CDKAL1: variants seen among roughly 807,000 people sequenced by gnomAD.
CDKAL1 encodes CDKAL1 threonylcarbamoyladenosine tRNA methylthiotransferase.
Under a neutral mutation model 68.2 loss-of-function variants are expected in CDKAL1, and 32 were observed. The observed-to-expected ratio is 0.47, with a 90% CI of 0.35 to 0.63. The LOEUF is 0.63. Ranked by LOEUF, CDKAL1 falls within the 30% of genes least tolerant of loss-of-function variation. CDKAL1 has a pLI of 0.00. For missense variants in CDKAL1, 606 were observed against 696.7 expected (o/e 0.87, Z 1.47); for synonymous variants, 234 against 244.3 (o/e 0.96, Z 0.39).
At chr6:20,546,271 G>T in intron 2 of CDKAL1, 75 bp from the exon 3 acceptor site, 1 of 1,133,554 alleles carries the variant, frequency 8.8e-7, no homozygotes, top group South Asian at 1.7e-5. Flanking sequence ...CAAATTTGGT[G>T]AGAATATTTC....
rs145086462 is a variant in CDKAL1 at position 20,720,711 on chromosome 6, G to A, written c.372-18808G>A. Among the ~76,000 whole-genome samples, 590 of 152,222 alleles carry A rather than the reference G, an allele frequency of 3.9e-3. 6 individuals are homozygous for A. The highest frequency in any genetic ancestry group is 0.013 in the African/African-American group (554 of 41,532). The stretch of plus-strand genomic sequence containing the variant: ...GACAGGGTTTCACCATGTTGGCCAG[G>A]CTGGTCTCAAACTCCTGACCTCAAG... On this transcript the variant is annotated intron_variant, in intron 5 of 15. Coordinates refer to ENST00000274695, the MANE Select transcript of CDKAL1 (RefSeq NM_017774.3).
At position 20,841,083 on chromosome 6, in the gene CDKAL1, C is replaced by A. The variant is rs190906986; in HGVS notation, c.639-4992C>A. 6.0e-4 allele frequency among the ~76,000 whole-genome samples: 91 copies of A among 152,330 alleles called. 1 individual carries two copies. Among genetic ancestry groups the A allele is most frequent in the Admixed American group, 3.9e-3 (60 of 15,306 alleles). ...TTCCTGAGCTCAAGCAACCCTCTTG[C>A]CTCAGCCTCCCAAAGTGCTAGGATC... On this transcript the variant is annotated intron_variant, in intron 8 of 15. Coordinates refer to ENST00000274695, the MANE Select transcript of CDKAL1 (RefSeq NM_017774.3).
At chr6:21,087,851 C>T (rs12200487) in intron 12 of CDKAL1, among the ~76,000 whole-genome samples, 20,650 of 152,096 alleles carry the variant, frequency 0.14, 1,701 homozygotes, top group Middle Eastern at 0.19. Flanking sequence ...CAAAAATCTC[C>T]GACCGGATGA....
intron 10 of CDKAL1, among the ~76,000 whole-genome samples, chr6:20,998,550 G>A (rs1247552625): frequency 6.6e-6 from 1 of 151,840 alleles, no homozygotes; most frequent in African/African-American, 2.4e-5. Context: ...GGTGGAGGTG[G>A]CAGTGAGCTG....
At chr6:20,773,513 G>C (rs190758483) in intron 7 of CDKAL1, among the ~76,000 whole-genome samples, 3 of 152,038 alleles carry the variant, frequency 2.0e-5, no homozygotes, top group African/African-American at 7.2e-5. Context: ...AGTGAGAATT[G>C]ATATGTACGG....
At chr6:20,685,808 T>G (rs1375886863) in intron 5 of CDKAL1, among the ~76,000 whole-genome samples, 1 of 152,202 alleles carries the variant, frequency 6.6e-6, no homozygotes, top group East Asian at 1.9e-4. Context: ...AGTCTGCTCT[T>G]GAACTTCTGA....
chr6:21,072,676 C>CTTTTT (rs66763305), intron 12 of CDKAL1, among the ~76,000 whole-genome samples: 4 of 131,160 alleles, frequency 3.0e-5, no homozygotes, highest in African/African-American at 5.7e-5. Context: ...AATAGAGTAT[C>CTTTTT]TTTTTTTTTT....
chr6:20,674,724 C>T (rs78906157), intron 5 of CDKAL1, among the ~76,000 whole-genome samples: 14,077 of 152,070 alleles, frequency 0.093, 2,091 homozygotes, highest in African/African-American at 0.31. Flanking sequence ...TCTTCTTTTC[C>T]CCTGCTCCTT....
chr6:20,556,881 CA>C (rs1389535537), intron 4 of CDKAL1, among the ~76,000 whole-genome samples: 1 of 151,362 alleles, frequency 6.6e-6, no homozygotes, highest in Non-Finnish European at 1.5e-5. Context: ...ACTAAAAGTA[CA>C]AAAAAATTAG....
intron 4 of CDKAL1, among the ~76,000 whole-genome samples, chr6:20,606,173 A>G (rs923216256): frequency 6.6e-6 from 1 of 152,140 alleles, no homozygotes. Context: ...TGGTCGTTTC[A>G]TGTGGAAGCT....
intron 8 of CDKAL1, among the ~76,000 whole-genome samples, chr6:20,800,872 C>A (rs1436083669): frequency 6.6e-6 from 1 of 151,556 alleles, no homozygotes; most frequent in Non-Finnish European, 1.5e-5. Flanking sequence ...CCTTGGCCTC[C>A]AAAAGTGCTG....
chr6:20,923,560 T>G (rs530384808), intron 9 of CDKAL1, among the ~76,000 whole-genome samples: 3 of 152,328 alleles, frequency 2.0e-5, no homozygotes, highest in Admixed American at 1.3e-4. Context: ...GTGTTCTGAC[T>G]GTTCCCCCAC....
At chr6:20,566,187 T>C (rs1039366870) in intron 4 of CDKAL1, among the ~76,000 whole-genome samples, 1 of 152,152 alleles carries the variant, frequency 6.6e-6, no homozygotes, top group Non-Finnish European at 1.5e-5. Flanking sequence ...AGAAATGCAA[T>C]CAAATAGCAT....
At chr6:21,040,832 C>T (rs1489187063) in intron 11 of CDKAL1, among the ~76,000 whole-genome samples, 2 of 152,046 alleles carry the variant, frequency 1.3e-5, no homozygotes, top group Non-Finnish European at 2.9e-5. Flanking sequence ...TGTTCTTTCC[C>T]TAATTCCTCA....
chr6:20,839,785 TTACTGGA>T (rs886296142), intron 8 of CDKAL1, among the ~76,000 whole-genome samples: 3 of 152,162 alleles, frequency 2.0e-5, no homozygotes, highest in African/African-American at 7.2e-5. Flanking sequence ...TCATTGTATT[TTACTGGA>T]TACCTTTCTG....
intron 9 of CDKAL1, among the ~76,000 whole-genome samples, chr6:20,906,529 A>G (rs764530588): frequency 1.3e-5 from 2 of 152,192 alleles, no homozygotes; most frequent in Non-Finnish European, 2.9e-5. Flanking sequence ...CTGAAAATGC[A>G]TTTAATACCC....
chr6:20,995,730 G>A (rs550927982), intron 10 of CDKAL1, among the ~76,000 whole-genome samples: 322 of 152,178 alleles, frequency 2.1e-3, no homozygotes, highest in African/African-American at 7.4e-3. Context: ...TTTTCAGAAT[G>A]GTAAATGAGA....
At chr6:20,625,307 TA>T (rs1767377548) in intron 4 of CDKAL1, among the ~76,000 whole-genome samples, 1 of 152,096 alleles carries the variant, frequency 6.6e-6, no homozygotes, top group Admixed American at 6.6e-5. Context: ...CTATCAAATA[TA>T]AAAAAGCCTT....
chr6:20,995,138 C>T (rs1038886878), intron 10 of CDKAL1, among the ~76,000 whole-genome samples: 1 of 152,170 alleles, frequency 6.6e-6, no homozygotes. Flanking sequence ...CTTCAGGCTC[C>T]ACTTGTAATT....
Sources: gnomAD v4.1 joint callset for allele counts (sites outside exome capture counted in the v4.1 genomes callset) on GRCh38, gnomAD v4.1.1 for gene constraint, MANE v1.5 for transcripts, NCBI Gene and HGNC (gene_info 2026-07-23, HGNC 2026-07-21) for gene names.